Variants in ARID4A observed in about 807,000 individuals in gnomAD.
ARID4A encodes the protein AT-rich interactive domain-containing protein 4A.
Under a neutral mutation model 148.6 loss-of-function variants are expected in ARID4A, and 39 were observed. The ratio of observed to expected loss-of-function variants is 0.26; its 90% CI spans 0.20 to 0.34. The LOEUF (loss-of-function observed/expected upper bound fraction) is 0.34, where lower values mean the gene tolerates loss of function less well. Among genes scored for constraint, ARID4A ranks in the 10% least tolerant of loss-of-function variants. ARID4A has a pLI of 1.00. For synonymous variants in ARID4A, 475 were observed against 481.2 expected (o/e 0.99, Z 0.17); for missense variants, 1,265 against 1,449.1 (o/e 0.87, Z 2.06).
intron 17 of ARID4A, among the ~76,000 whole-genome samples, chr14:58,358,271 C>G (rs149770438): frequency 3.3e-5 from 5 of 152,238 alleles, no homozygotes; most frequent in Non-Finnish European, 5.9e-5. Context: ...GAGTTCGAGA[C>G]CAGCATGGCC....
At position 58,365,501 on chromosome 14, in the gene ARID4A, CTT is replaced by C; in HGVS notation, c.3212-15_3212-14del. ...TTTTTTTTTTTTTTCAACATTCTCT[CTT>C]TCCCCTTATTTCAGGTCAGAAGAGG... On this transcript the variant is annotated splice_polypyrimidine_tract_variant and intron_variant, in intron 20 of 23. Transcript: ENST00000355431. 1 of 429,494 alleles carries C rather than the reference CTT, an allele frequency of 2.3e-6. No homozygotes were observed. The allele number at this position is 429,494 out of a possible 1,614,324, so 26.6% of individuals were successfully genotyped here. A position where few individuals can be genotyped will look rare whatever the true frequency, so the allele number is the denominator to read the frequency against.
intron 5 of ARID4A, among the ~76,000 whole-genome samples, chr14:58,310,475 TG>T (rs1336496770): frequency 2.6e-5 from 4 of 152,178 alleles, no homozygotes; most frequent in African/African-American, 9.7e-5. Flanking sequence ...CACCTATTTA[TG>T]GTCATTTGAT....
intron 11 of ARID4A, among the ~76,000 whole-genome samples, chr14:58,333,224 G>A (rs1005785393): frequency 6.6e-5 from 10 of 151,944 alleles, no homozygotes; most frequent in African/African-American, 2.4e-4. Flanking sequence ...ATCCCTGGGG[G>A]ATATTTTTAT....
intron 13 of ARID4A, 111 bp downstream of exon 13, chr14:58,346,616 CAT>C: frequency 1.4e-6 from 1 of 704,310 alleles, no homozygotes; most frequent in Non-Finnish European, 2.3e-6. Context: ...TCTTAATGAA[CAT>C]AGAATATTAG....
chr14:58,362,998 T>G (rs1272887281), intron 19 of ARID4A, among the ~76,000 whole-genome samples: 1 of 152,246 alleles, frequency 6.6e-6, no homozygotes, highest in African/African-American at 2.4e-5. Flanking sequence ...TCCTCTTTAC[T>G]GCCATCTGCT....
chr14:58,328,297 T>G lies in ARID4A; in HGVS notation c.643T>G (p.Ser215Ala). Residue 215 changes from serine (S) to alanine (A), a missense_variant, in exon 9 of 24, where the codon TCA (serine) becomes GCA (alanine). By Grantham distance (99) the Ser-to-Ala change is moderately conservative. This residue lies in a region of ARID4A where 249 missense variants were observed against 277.2 expected (regional missense o/e 0.90). Coordinates refer to ENST00000355431, the MANE Select transcript of ARID4A (RefSeq NM_002892.4). ...TVKKDQCLVR[S>A]FIDSKFYSIA... ...GAAAAAGGATCAGTGTTTAGTTCGA[T>G]CATTTATTGATTCTAAATTGTGAGT... 1 of 1,600,346 alleles carries G rather than the reference T, an allele frequency of 6.2e-7. No individual in the cohort carries two copies. Among genetic ancestry groups the G allele is most frequent in the Non-Finnish European group, 8.6e-7 (1 of 1,168,148 alleles).
At position 58,372,777 on chromosome 14, in the gene ARID4A, TAAC is replaced by T. The variant is rs1332440043; in HGVS notation, c.*794_*796del. The T allele has an allele frequency of 5.5e-6, 1 of 181,530 alleles. No homozygotes were observed. The highest frequency in any genetic ancestry group is 1.2e-5 in the Non-Finnish European group (1 of 84,978). 11.2% of individuals were successfully genotyped at this position (181,530 alleles called of 1,614,324 possible). A position where few individuals can be genotyped will look rare whatever the true frequency, so the allele number is the denominator to read the frequency against. On this transcript the variant is annotated 3_prime_UTR_variant, in exon 24 of 24. Coordinates refer to ENST00000355431, the MANE Select transcript of ARID4A (RefSeq NM_002892.4). ...TACAAAAAGACAAAAATGAAATATA[TAAC>T]AACAATGAAGTTATTTAACAAGATT...
chr14:58,356,613 A>G (rs968815443), intron 17 of ARID4A, among the ~76,000 whole-genome samples: 1 of 151,932 alleles, frequency 6.6e-6, no homozygotes, highest in Non-Finnish European at 1.5e-5. Flanking sequence ...TTCCTAACTT[A>G]TAGTGGTTCA....
intron 2 of ARID4A, among the ~76,000 whole-genome samples, chr14:58,300,384 A>G (rs928240404): frequency 1.3e-5 from 2 of 152,254 alleles, no homozygotes; most frequent in Admixed American, 6.5e-5. Context: ...AAAAAGATAC[A>G]TATTCTACTG....
At position 58,370,421 on chromosome 14, in the gene ARID4A, C is replaced by T. The variant is rs372024960; in HGVS notation, c.3671-1465C>T. 1.1e-4 allele frequency among the ~76,000 whole-genome samples: 17 copies of T among 152,202 alleles called. 1 individual carries two copies. The highest frequency in any genetic ancestry group is 7.2e-4 in the Admixed American group (11 of 15,284). On this transcript the variant is annotated intron_variant, in intron 23 of 23. Coordinates refer to ENST00000355431, the MANE Select transcript of ARID4A (RefSeq NM_002892.4). ...AAGCCATTTTCCTGCCTCAGCCTCC[C>T]GGGTAGCTGGGATTACAGGTGCCCG... is the stretch of plus-strand genomic sequence containing the variant.
At chr14:58,317,624 C>CTTTTTTTTTTT (rs71107933) in intron 5 of ARID4A, among the ~76,000 whole-genome samples, 7 of 69,888 alleles carry the variant, frequency 1.0e-4, no homozygotes, top group African/African-American at 1.9e-4. Flanking sequence ...TTATATTTGT[C>CTTTTTTTTTTT]TTTTTTTTTT....
intron 10 of ARID4A, 93 bp from the exon 11 acceptor site, chr14:58,329,910 G>A: frequency 2.0e-6 from 3 of 1,511,806 alleles, no homozygotes; most frequent in East Asian, 2.3e-5. Flanking sequence ...AGCCGAATTT[G>A]AATTCAGATC....
At chr14:58,344,117 A>G (rs1239108015) in intron 11 of ARID4A, among the ~76,000 whole-genome samples, 1 of 152,126 alleles carries the variant, frequency 6.6e-6, no homozygotes, top group Non-Finnish European at 1.5e-5. Context: ...TTGTGAGATG[A>G]GGGGGTGATG....
intron 19 of ARID4A, among the ~76,000 whole-genome samples, chr14:58,363,220 A>C (rs1013008801): frequency 6.6e-6 from 1 of 152,180 alleles, no homozygotes; most frequent in African/African-American, 2.4e-5. Flanking sequence ...TCATGTTTGC[A>C]GTTTTGAACT....
rs778766066 is a variant in ARID4A at position 58,364,871 on chromosome 14, G to A, written c.2782G>A (p.Glu928Lys). ...CCAATGCATCCAACAACTGACTAGT[G>A]AAAGATTTGATAGTCCAGCTGAAGA... ...SNQCIQQLTS[E>K]RFDSPAEETV... Residue 928 changes from glutamate to lysine, a missense_variant, in exon 20 of 24, where the codon GAA becomes AAA. Transcript: ENST00000355431. The A allele has an allele frequency of 6.2e-7, 1 of 1,614,116 alleles. No individual in the cohort carries two copies. The highest frequency in any genetic ancestry group is 1.1e-5 in the South Asian group (1 of 91,076).
In ARID4A at chr14:58,351,181, GAT is replaced by G; in HGVS notation, c.1514_1515del (p.Asp505GlyfsTer3). ...DNDTENKDVD[D>X]DYETAEKKEN... ...TGATACAGAAAATAAGGATGTAGAT[GAT>G]GACTATGAAACTGCAGAGAAAAAAG... On this transcript the variant is annotated frameshift_variant, in exon 16 of 24. Coordinates refer to ENST00000355431, the MANE Select transcript of ARID4A (RefSeq NM_002892.4). LOFTEE classifies it high-confidence loss of function. 1 of 1,612,906 alleles carries G rather than the reference GAT, an allele frequency of 6.2e-7. No individual in the cohort carries two copies. Among genetic ancestry groups the G allele is most frequent in the South Asian group, 1.1e-5 (1 of 90,642 alleles).
intron 11 of ARID4A, among the ~76,000 whole-genome samples, chr14:58,334,714 A>T (rs955895566): frequency 2.0e-5 from 3 of 152,208 alleles, no homozygotes; most frequent in African/African-American, 7.2e-5. Flanking sequence ...TCCCTATAAG[A>T]TGAGTCTCTC....
rs369592997 is a variant in ARID4A at position 58,363,307 on chromosome 14, C to T, written c.2081-863C>T. 9.4e-4 allele frequency among the ~76,000 whole-genome samples: 143 copies of T among 152,298 alleles called. 1 individual carries two copies. The highest frequency in any genetic ancestry group is 3.3e-3 in the African/African-American group (137 of 41,576). The stretch of plus-strand genomic sequence containing the variant: ...TATACAGTCTTAGAACCCTACTTTA[C>T]TATTTTACAAGTTCCCTTACAGGGA... On this transcript the variant is annotated intron_variant, in intron 19 of 23. Transcript: ENST00000355431.
intron 23 of ARID4A, chr14:58,369,974 G>C (rs769138307): frequency 2.0e-5 from 3 of 152,204 alleles, no homozygotes; most frequent in African/African-American, 7.2e-5. Flanking sequence ...ATCATGTTGA[G>C]AGAAGTTTTC....
Sources: allele counts gnomAD v4.1 joint callset (sites outside exome capture counted in the v4.1 genomes callset), GRCh38; gene constraint gnomAD v4.1.1; regional missense constraint gnomAD v4.1.1; transcripts MANE v1.5; gene names NCBI Gene and HGNC (gene_info 2026-07-23, HGNC 2026-07-21).